PTPRJ: variants seen among roughly 807,000 people sequenced by gnomAD.
PTPRJ encodes the protein protein tyrosine phosphatase receptor type J, also known as receptor-type tyrosine-protein phosphatase eta.
Under a neutral mutation model 141.3 loss-of-function variants are expected in PTPRJ, and 129 were observed. The observed-to-expected ratio is 0.91, with a 90% CI of 0.79 to 1.06. The LOEUF is 1.06. PTPRJ is among the 50% of genes least tolerant of loss of function. The pLI is 0.00. For synonymous variants in PTPRJ, 610 were observed against 640.5 expected, an observed-to-expected ratio of 0.95 and a Z score of 0.72; for missense variants, 1,601 against 1,679.7, an observed-to-expected ratio of 0.95 and a Z score of 0.82.
chr11:48,134,314 T>G (rs760402864), intron 8 of PTPRJ, among the ~76,000 whole-genome samples: 14 of 152,338 alleles, frequency 9.2e-5, no homozygotes, highest in Admixed American at 2.6e-4. Context: ...GGCCTTCATA[T>G]TTTTAGTGGC....
chr11:48,139,105 C>G lies in PTPRJ; in HGVS notation c.2153-381C>G, dbSNP rs927705117. Among the ~76,000 whole-genome samples, 9 of 152,224 alleles carry G rather than the reference C, an allele frequency of 5.9e-5. No individual in the cohort carries two copies. In the Middle Eastern group the frequency reaches 0.01, roughly 173 times the overall value. On this transcript the variant is annotated intron_variant, in intron 10 of 24. Coordinates refer to ENST00000418331, the MANE Select transcript of PTPRJ (RefSeq NM_002843.4). The stretch of plus-strand genomic sequence containing the variant: ...CTGAGATTGCGCCATTGCACTCCAG[C>G]CTGGTCGACAGAGCGAGACTCCGTC...
chr11:48,004,005 T>C (rs1442080878), intron 1 of PTPRJ, among the ~76,000 whole-genome samples: 3 of 152,214 alleles, frequency 2.0e-5, no homozygotes, highest in Non-Finnish European at 4.4e-5. Context: ...GGTCTGATGG[T>C]ACCCAGAAAA....
intron 11 of PTPRJ, 26 bp from the exon 12 acceptor site, chr11:48,142,893 T>C (rs1857267955): frequency 6.2e-7 from 1 of 1,602,090 alleles, no homozygotes; most frequent in Admixed American, 1.7e-5. Context: ...TATTGGGTGA[T>C]CATGTTTTGT....
chr11:48,161,727 C>T (rs1416647620), intron 22 of PTPRJ, among the ~76,000 whole-genome samples: 11 of 152,170 alleles, frequency 7.2e-5, no homozygotes, highest in Non-Finnish European at 1.3e-4. Context: ...ATTCTCCTGC[C>T]TCAGCCTCCT....
At chr11:48,095,098 G>A (rs563293677) in intron 1 of PTPRJ, among the ~76,000 whole-genome samples, 3 of 152,170 alleles carry the variant, frequency 2.0e-5, no homozygotes, top group Admixed American at 6.5e-5. Flanking sequence ...TCACAGGACC[G>A]TTTCTGATTC....
At chr11:48,155,317 T>G (rs1857575017) in intron 19 of PTPRJ, among the ~76,000 whole-genome samples, 1 of 152,168 alleles carries the variant, frequency 6.6e-6, no homozygotes, top group African/African-American at 2.4e-5. Flanking sequence ...TAGATTTGAA[T>G]TTTGACTGCC....
chr11:48,131,070 ATTTTTT>A (rs71045547), intron 8 of PTPRJ, among the ~76,000 whole-genome samples: 488 of 46,414 alleles, frequency 0.011, no homozygotes, highest in Admixed American at 0.014. Context: ...ATATATATAT[ATTTTTT>A]TTTTTTTTTT....
chr11:48,165,421 T>TA (rs1470518710), intron 24 of PTPRJ, among the ~76,000 whole-genome samples: 8 of 152,250 alleles, frequency 5.3e-5, no homozygotes, highest in African/African-American at 1.7e-4. Context: ...CCCAAACTGT[T>TA]ACTGAGAAGT....
intron 1 of PTPRJ, among the ~76,000 whole-genome samples, chr11:48,014,198 A>C (rs947739412): frequency 6.6e-6 from 1 of 152,192 alleles, no homozygotes; most frequent in Non-Finnish European, 1.5e-5. Context: ...CCCTGGGATC[A>C]TGAGAATGAA....
In PTPRJ at chr11:48,136,145, C is replaced by T. The variant is rs779279008; in HGVS notation, c.1722C>T (p.Val574=). 2.5e-6 allele frequency: 4 copies of T among 1,614,212 alleles called. No homozygotes were observed. The highest frequency in any genetic ancestry group is 3.4e-6 in the Non-Finnish European group (4 of 1,180,036). Residue 574 remains valine, a synonymous_variant, in exon 9 of 25, where the codon GTC becomes GTT. Coordinates refer to ENST00000418331, the MANE Select transcript of PTPRJ (RefSeq NM_002843.4). ...CTTCCGAGTATGTCTACCATTTAGT[C>T]ATAGAGTCCAAGCATGGCTCTAACC... is the stretch of plus-strand genomic sequence containing the variant. ...DGASEYVYHL[V]IESKHGSNHT... is the part of the protein sequence containing the mutation.
chr11:48,115,604 TGAAAG>T (rs1856545339), intron 3 of PTPRJ, among the ~76,000 whole-genome samples: 1 of 152,272 alleles, frequency 6.6e-6, no homozygotes, highest in African/African-American at 2.4e-5. Context: ...TGAAAACATA[TGAAAG>T]GATAAGACTA....
intron 1 of PTPRJ, among the ~76,000 whole-genome samples, chr11:48,095,589 T>C (rs1277632545): frequency 5.3e-5 from 8 of 151,508 alleles, no homozygotes; most frequent in Non-Finnish European, 8.8e-5. Flanking sequence ...CTTTTTTTTT[T>C]TTTTTTTGAG....
intron 1 of PTPRJ, among the ~76,000 whole-genome samples, chr11:48,035,449 GGT>G: frequency 6.6e-6 from 1 of 151,958 alleles, no homozygotes; most frequent in South Asian, 2.1e-4. Context: ...GCCTGGGCCT[GGT>G]GAGCCCCCGG....
chr11:48,080,470 C>A (rs1249227699), intron 1 of PTPRJ, among the ~76,000 whole-genome samples: 1 of 152,136 alleles, frequency 6.6e-6, no homozygotes, highest in Non-Finnish European at 1.5e-5. Context: ...GAGACTGACT[C>A]CAGAGCCAAT....
chr11:48,139,496 C>G lies in PTPRJ; in HGVS notation c.2163C>G (p.Ser721=). The G allele has an allele frequency of 6.2e-7, 1 of 1,613,782 alleles. No individual in the cohort carries two copies. The highest frequency in any genetic ancestry group is 1.7e-4 in the Middle Eastern group (1 of 6,058). ...GTACTTGCTTTGCAGATCCTGCGTCCATGGCCTCCTTCGACTGCGAAGTGG... is the reference window on the plus strand; with the variant it reads ...GTACTTGCTTTGCAGATCCTGCGTCGATGGCCTCCTTCGACTGCGAAGTGG... The part of the protein sequence containing the change: ...GRKSFCTDPA[S]MASFDCEVVP... The change falls in exon 11 of 25, where the codon TCC becomes TCG. Residue 721 remains serine, a synonymous_variant. Coordinates refer to ENST00000418331, the MANE Select transcript of PTPRJ (RefSeq NM_002843.4).
chr11:48,145,558 G>GTTTTTTTTTTTTTTTTTTTTTTT (rs574426609), intron 14 of PTPRJ, among the ~76,000 whole-genome samples: 2 of 117,504 alleles, frequency 1.7e-5, no homozygotes, highest in Non-Finnish European at 3.3e-5. Flanking sequence ...TTTATTTTAT[G>GTTTTTTTTTTTTTTTTTTTTTTT]TTTTTTTTTT....
chr11:48,065,648 T>C (rs1327657760), intron 1 of PTPRJ, among the ~76,000 whole-genome samples: 1 of 152,228 alleles, frequency 6.6e-6, no homozygotes, highest in Non-Finnish European at 1.5e-5. Context: ...TTATAAGTAA[T>C]GTTTATAGAT....
At chr11:48,163,913 A>G (rs539790490) in intron 23 of PTPRJ, among the ~76,000 whole-genome samples, 129 of 152,304 alleles carry the variant, frequency 8.5e-4, no homozygotes, top group Non-Finnish European at 1.6e-3. Context: ...TGCTACAGTG[A>G]CAGAAAGAGA....
At chr11:48,112,106 G>A (rs989728887) in intron 2 of PTPRJ, among the ~76,000 whole-genome samples, 7 of 152,182 alleles carry the variant, frequency 4.6e-5, no homozygotes, top group Non-Finnish European at 7.3e-5. Context: ...ATGAGATCCA[G>A]TCATCGCATC....
Sources: allele counts gnomAD v4.1 joint callset (sites outside exome capture counted in the v4.1 genomes callset), GRCh38; gene constraint gnomAD v4.1.1; transcripts MANE v1.5; gene names NCBI Gene and HGNC (gene_info 2026-07-23, HGNC 2026-07-21).